Variants in IL13RA1 observed in about 807,000 individuals in gnomAD.
The protein encoded by IL13RA1 is interleukin 13 receptor subunit alpha 1, also known as interleukin-13 receptor subunit alpha-1.
IL13RA1 carries 14 observed loss-of-function variants against 33.8 expected under a neutral mutation model. The observed-to-expected ratio is 0.41, with a 90% CI of 0.27 to 0.65. IL13RA1 has a LOEUF of 0.65. Ranked by LOEUF, IL13RA1 falls within the 30% of genes least tolerant of loss-of-function variation. The pLI is 0.28. For synonymous variants in IL13RA1, 116 were observed against 115.7 expected (o/e 1.00, Z -0.02); for missense variants, 313 against 327.0 (o/e 0.96, Z 0.33).
chrX:118,771,533 G>T (rs764993139), intron 8 of IL13RA1, among the ~76,000 whole-genome samples: 11 of 112,375 alleles, frequency 9.8e-5, no homozygotes, highest in Non-Finnish European at 1.9e-4. Context: ...CCTGAACCTG[G>T]TTGGGCCTGA....
At chrX:118,747,229 G>A (rs1347546735) in intron 3 of IL13RA1, 137 bp downstream of exon 3, 1 of 389,847 alleles carries the variant, frequency 2.6e-6, no homozygotes, top group Admixed American at 4.7e-5. Flanking sequence ...TGTACTAGGT[G>A]CTAGCAGCTC....
chrX:118,743,434 G>T (rs1459111012), intron 2 of IL13RA1, among the ~76,000 whole-genome samples: 1 of 111,584 alleles, frequency 9.0e-6, no homozygotes, highest in African/African-American at 3.3e-5. Flanking sequence ...TTTTGGAAAA[G>T]AAAAGATTAG....
intron 8 of IL13RA1, among the ~76,000 whole-genome samples, chrX:118,769,524 T>C (rs1486455136): frequency 8.9e-6 from 1 of 112,766 alleles, no homozygotes; most frequent in Non-Finnish European, 1.9e-5. Flanking sequence ...ATCAGACATA[T>C]AGTAGGTGCT....
At chrX:118,795,899 C>T (rs1484773275), downstream of IL13RA1, among the ~76,000 whole-genome samples, 1 of 112,393 alleles carries the variant, frequency 8.9e-6, no homozygotes, top group Non-Finnish European at 1.9e-5. Context: ...TTCTTTTAAA[C>T]CCTAACGGTT....
intron 1 of IL13RA1, among the ~76,000 whole-genome samples, chrX:118,729,428 G>A (rs1037592900): frequency 1.7e-4 from 19 of 112,327 alleles, no homozygotes; most frequent in Admixed American, 1.6e-3. Context: ...TTGAGTTTTA[G>A]TGGTTCTGAT....
the IL13RA1 span, among the ~76,000 whole-genome samples, chrX:118,804,833 G>A: frequency 2.7e-5 from 3 of 112,135 alleles, no homozygotes; most frequent in South Asian, 1.1e-3. Flanking sequence ...GTCCCACAGA[G>A]CTGATGTTTC....
chrX:118,781,462 C>T (rs897519337), intron 10 of IL13RA1, among the ~76,000 whole-genome samples: 6 of 111,076 alleles, frequency 5.4e-5, no homozygotes, highest in African/African-American at 2.0e-4. Context: ...AAGTGATTCT[C>T]CTGCCTCAGC....
chrX:118,728,253 A>C (rs973855471), intron 1 of IL13RA1, among the ~76,000 whole-genome samples: 1 of 112,364 alleles, frequency 8.9e-6, no homozygotes, highest in Non-Finnish European at 1.9e-5. Context: ...TGCGAGTGGA[A>C]GTTGAAGGGA....
At chrX:118,779,849 C>A (rs1039824056) in intron 10 of IL13RA1, among the ~76,000 whole-genome samples, 1 of 111,433 alleles carries the variant, frequency 9.0e-6, no homozygotes, top group Non-Finnish European at 1.9e-5. Context: ...TTCAAGTTTT[C>A]AAGTCTGAGT....
chrX:118,747,249 A>G (rs1272056243), intron 3 of IL13RA1, among the ~76,000 whole-genome samples, 157 bp downstream of exon 3: 2 of 111,915 alleles, frequency 1.8e-5, no homozygotes, highest in Non-Finnish European at 3.8e-5. Context: ...CAATGAAAAT[A>G]TGAGTATGTC....
intron 1 of IL13RA1, among the ~76,000 whole-genome samples, chrX:118,732,902 T>A (rs919575851): frequency 1.8e-5 from 2 of 112,193 alleles, no homozygotes; most frequent in African/African-American, 6.5e-5. Flanking sequence ...TGATTTATAC[T>A]ATTTGTCTTT....
In IL13RA1 at chrX:118,766,961, C is replaced by A; in HGVS notation, c.994C>A (p.Gln332Lys). The change falls in exon 8 of 11, where the codon CAA becomes AAA. Residue 332 changes from glutamine to lysine, a missense_variant. Gln to Lys is a moderately conservative substitution (Grantham distance 53). Coordinates refer to ENST00000371666, the MANE Select transcript of IL13RA1 (RefSeq NM_001560.3). ...EDDKLWSNWS[Q>K]EMSIGKKRNS... ...TGACAAACTCTGGAGTAATTGGAGC[C>A]AAGAAATGAGTATAGGTAAGAGAAC... 1.8e-6 allele frequency: 2 copies of A among 1,122,979 alleles called. No homozygotes were observed. Among genetic ancestry groups the A allele is most frequent in the Non-Finnish European group, 2.4e-6 (2 of 823,631 alleles). The allele number at this position is 1,122,979 out of a possible 1,213,427, so 92.5% of individuals were successfully genotyped here. A position where few individuals can be genotyped will look rare whatever the true frequency, so the allele number is the denominator to read the frequency against.
At chrX:118,753,358 G>C (rs2017491399) in intron 4 of IL13RA1, among the ~76,000 whole-genome samples, 2 of 112,460 alleles carry the variant, frequency 1.8e-5, no homozygotes, top group Admixed American at 9.4e-5. Context: ...TCTTCCTCTG[G>C]GCTGAAGCAG....
chrX:118,781,402 G>T (rs2017842106), intron 10 of IL13RA1, among the ~76,000 whole-genome samples: 1 of 110,675 alleles, frequency 9.0e-6, no homozygotes, highest in Admixed American at 9.6e-5. Context: ...ACTCAGGCTG[G>T]AGTGCAGTGG....
At chrX:118,753,586 G>A (rs190562782) in intron 4 of IL13RA1, among the ~76,000 whole-genome samples, 160 of 113,223 alleles carry the variant, frequency 1.4e-3, no homozygotes, top group African/African-American at 4.9e-3. Context: ...AGTACAGTTG[G>A]TGTGATCATT....
intron 4 of IL13RA1, among the ~76,000 whole-genome samples, chrX:118,756,068 C>G: frequency 9.1e-6 from 1 of 110,480 alleles, no homozygotes; most frequent in Non-Finnish European, 1.9e-5. Flanking sequence ...TGTTCAAATG[C>G]TGGTTCCTAG....
intron 3 of IL13RA1, 65 bp from the exon 4 acceptor site, chrX:118,749,593 G>A (rs1263335974): frequency 5.5e-6 from 6 of 1,081,208 alleles, no homozygotes; most frequent in South Asian, 1.9e-5. Flanking sequence ...CCATGCCAAA[G>A]AGTGATTTGC....
downstream of IL13RA1, among the ~76,000 whole-genome samples, chrX:118,799,488 C>T (rs2018052753): frequency 9.0e-6 from 1 of 111,507 alleles, no homozygotes; most frequent in African/African-American, 3.3e-5. Context: ...AATCAGCACC[C>T]TGTGTTTAGC....
chrX:118,761,755 A>G lies in IL13RA1; in HGVS notation c.828+466A>G, dbSNP rs531391553. Among the ~76,000 whole-genome samples the G allele has an allele frequency of 5.4e-5, 6 of 111,902 alleles. No individual in the cohort carries two copies. In the South Asian group the frequency reaches 1.9e-3, roughly 35 times the overall value. On this transcript the variant is annotated intron_variant, in intron 6 of 10. Transcript: ENST00000371666. ...AGAGTGACTGGGAGAACGAGAGGGA[A>G]TATTAGGTAGGGAAATCATCTGAGG...
Sources: allele counts gnomAD v4.1 joint callset (sites outside exome capture counted in the v4.1 genomes callset), GRCh38; gene constraint gnomAD v4.1.1; transcripts MANE v1.5; gene names NCBI Gene and HGNC (gene_info 2026-07-23, HGNC 2026-07-21).